ASB5: variants seen among roughly 807,000 people sequenced by gnomAD.
ASB5 encodes ankyrin repeat and SOCS box containing 5, also known as ankyrin repeat and SOCS box protein 5.
Under a neutral mutation model 42.1 loss-of-function variants are expected in ASB5, and 45 were observed. The observed-to-expected ratio is 1.07, with a 90% CI of 0.84 to 1.37. The LOEUF (loss-of-function observed/expected upper bound fraction) is 1.37, where lower values mean the gene tolerates loss of function less well. Ranked by LOEUF, ASB5 falls within the 40% of genes most tolerant of loss-of-function variation. The pLI is 0.00. For missense variants in ASB5, 402 were observed against 399.8 expected, an observed-to-expected ratio of 1.01 and a Z score of -0.05; for synonymous variants, 147 against 150.6, an observed-to-expected ratio of 0.98 and a Z score of 0.18.
Position 176,221,612 on chromosome 4 carries a change from C to G in ASB5, c.385-12G>C. 6.3e-7 allele frequency: 1 copy of G among 1,584,328 alleles called. No homozygotes were observed. Among genetic ancestry groups the G allele is most frequent in the Non-Finnish European group, 8.6e-7 (1 of 1,159,012 alleles). On this transcript the variant is annotated splice_polypyrimidine_tract_variant and intron_variant, in intron 3 of 6. Coordinates refer to ENST00000296525, the MANE Select transcript of ASB5 (RefSeq NM_080874.4). ...GTGATTGCATTTACCTAAACCAAACCAAAATATCCAAACATAAGATTCATA... is the reference window on the plus strand; with the variant it reads ...GTGATTGCATTTACCTAAACCAAACGAAAATATCCAAACATAAGATTCATA...
intron 1 of ASB5, among the ~76,000 whole-genome samples, chr4:176,240,902 C>T (rs1159217009): frequency 6.6e-6 from 1 of 152,094 alleles, no homozygotes; most frequent in Non-Finnish European, 1.5e-5. Flanking sequence ...TAAATATATT[C>T]CTACTTGGAT....
At chr4:176,216,478 G>A (rs1358228251) in intron 6 of ASB5, among the ~76,000 whole-genome samples, 3 of 152,106 alleles carry the variant, frequency 2.0e-5, no homozygotes, top group South Asian at 2.1e-4. Flanking sequence ...AGCCTCCTGA[G>A]TAGCTGAGAT....
chr4:176,267,280 C>T (rs1246053632), intron 1 of ASB5, among the ~76,000 whole-genome samples: 1 of 152,026 alleles, frequency 6.6e-6, no homozygotes, highest in Non-Finnish European at 1.5e-5. Context: ...TTCCATTTGC[C>T]AACTAAATTT....
At chr4:176,251,661 A>C (rs1333366063) in intron 1 of ASB5, among the ~76,000 whole-genome samples, 2 of 149,892 alleles carry the variant, frequency 1.3e-5, no homozygotes, top group Non-Finnish European at 3.0e-5. Context: ...AAAATGGAGA[A>C]TCAAAAGGTG....
intron 3 of ASB5, 75 bp from the exon 4 acceptor site, chr4:176,221,675 G>T (rs1753215803): frequency 1.5e-6 from 2 of 1,339,922 alleles, no homozygotes; most frequent in Non-Finnish European, 1.0e-6. Context: ...ATTGTCAAAA[G>T]GTATGTGATT....
At chr4:176,237,988 G>C (rs2014312) in intron 1 of ASB5, among the ~76,000 whole-genome samples, 19,582 of 152,130 alleles carry the variant, frequency 0.13, 1,574 homozygotes, top group East Asian at 0.35. Context: ...TTGGGAGGCC[G>C]AGGCAGGCAG....
At chr4:176,255,974 T>A (rs867565049) in intron 1 of ASB5, among the ~76,000 whole-genome samples, 1 of 152,370 alleles carries the variant, frequency 6.6e-6, no homozygotes, top group Middle Eastern at 3.4e-3. Flanking sequence ...AGGTCATTAT[T>A]GTATTATTAG....
intron 2 of ASB5, among the ~76,000 whole-genome samples, chr4:176,274,531 C>A (rs973172896): frequency 6.6e-6 from 1 of 152,282 alleles, no homozygotes; most frequent in East Asian, 1.9e-4. Flanking sequence ...GATTCCCACC[C>A]AGGTTTTTTG....
At chr4:176,249,915 A>C (rs1443404527) in intron 1 of ASB5, among the ~76,000 whole-genome samples, 4 of 151,224 alleles carry the variant, frequency 2.6e-5, no homozygotes, top group Non-Finnish European at 4.4e-5. Context: ...AACACAAAAA[A>C]TTAGCCGGGC....
intron 5 of ASB5, among the ~76,000 whole-genome samples, chr4:176,220,123 C>T (rs1283385933): frequency 6.6e-6 from 1 of 152,136 alleles, no homozygotes; most frequent in Admixed American, 6.6e-5. Flanking sequence ...CGCATGGGGC[C>T]CACAGGCCGC....
intron 1 of ASB5, among the ~76,000 whole-genome samples, chr4:176,249,801 C>G (rs575550058): frequency 2.3e-3 from 355 of 152,126 alleles, no homozygotes; most frequent in African/African-American, 3.2e-3. Flanking sequence ...CGCGGTGGCT[C>G]ACGCCTGTAA....
chr4:176,229,878 A>G (rs547885115), intron 1 of ASB5, among the ~76,000 whole-genome samples: 1 of 152,318 alleles, frequency 6.6e-6, no homozygotes, highest in Non-Finnish European at 1.5e-5. Flanking sequence ...GCTCGCCTGC[A>G]AAGGGCCTTG....
Position 176,215,410 on chromosome 4 carries a change from T to C in ASB5, c.*190A>G, listed in dbSNP as rs1352383253. ...AATAGATATTATAAATATGCTATAA[T>C]CCAAAGACAGCATAAATGATAAAAC... is the stretch of plus-strand genomic sequence containing the variant. On this transcript the variant is annotated 3_prime_UTR_variant, in exon 7 of 7. Transcript: ENST00000296525. 1 of 450,616 alleles carries C rather than the reference T, an allele frequency of 2.2e-6. No individual in the cohort carries two copies. Among genetic ancestry groups the C allele is most frequent in the Non-Finnish European group, 3.7e-6 (1 of 266,794 alleles). 27.9% of individuals were successfully genotyped at this position (450,616 alleles called of 1,614,324 possible). A position where few individuals can be genotyped will look rare whatever the true frequency, so the allele number is the denominator to read the frequency against.
chr4:176,273,527 A>G (rs1754513107), upstream of ASB5, among the ~76,000 whole-genome samples: 1 of 152,224 alleles, frequency 6.6e-6, no homozygotes, highest in Admixed American at 6.5e-5. Context: ...TACCAGTATG[A>G]TGGAACAAAA....
exon 1 of ASB5, chr4:176,277,290 C>G (rs1025518149): frequency 2.0e-5 from 3 of 152,222 alleles, no homozygotes; most frequent in Non-Finnish European, 2.9e-5. Context: ...CTCCTTCATT[C>G]ACACACATCT....
intron 1 of ASB5, among the ~76,000 whole-genome samples, chr4:176,233,358 G>A (rs972843625): frequency 6.6e-6 from 1 of 152,078 alleles, no homozygotes; most frequent in Non-Finnish European, 1.5e-5. Flanking sequence ...TAGCTCCCAC[G>A]CTGATCTCTC....
chr4:176,251,625 A>T (rs1450772590), intron 1 of ASB5, among the ~76,000 whole-genome samples: 1 of 144,482 alleles, frequency 6.9e-6, no homozygotes, highest in African/African-American at 2.5e-5. Flanking sequence ...AGCTTAAAAG[A>T]TTAAGAATAA....
chr4:176,236,801 C>T (rs991008955), intron 1 of ASB5, among the ~76,000 whole-genome samples: 14 of 152,024 alleles, frequency 9.2e-5, no homozygotes, highest in African/African-American at 3.4e-4. Context: ...AAAATAATTC[C>T]TCCTCTTTGG....
intron 1 of ASB5, among the ~76,000 whole-genome samples, chr4:176,226,714 C>T (rs1209107168): frequency 6.6e-6 from 1 of 152,186 alleles, no homozygotes; most frequent in East Asian, 1.9e-4. Flanking sequence ...CCCCTCCTCT[C>T]AATTTTGTTT....
Sources: gnomAD v4.1 joint callset for allele counts (sites outside exome capture counted in the v4.1 genomes callset) on GRCh38, gnomAD v4.1.1 for gene constraint, MANE v1.5 for transcripts, NCBI Gene and HGNC (gene_info 2026-07-23, HGNC 2026-07-21) for gene names.